PARD3B: variants seen among roughly 807,000 people sequenced by gnomAD.
The protein encoded by PARD3B is partitioning defective 3 homolog B.
A neutral mutation model predicts 130.2 loss-of-function variants in PARD3B; 103 were observed. The observed-to-expected ratio is 0.79, with a 90% CI of 0.67 to 0.93. PARD3B has a LOEUF of 0.93. PARD3B is among the 40% of genes least tolerant of loss of function. The probability of loss-of-function intolerance (pLI) is 0.00; values close to 1 mark genes in which losing one functional copy is unlikely to be tolerated. For synonymous variants in PARD3B, 583 were observed against 553.2 expected (o/e 1.05, Z -0.76); for missense variants, 1,609 against 1,499.2 (o/e 1.07, Z -1.21).
intron 2 of PARD3B, among the ~76,000 whole-genome samples, chr2:204,867,073 C>A (rs1559212492): frequency 6.6e-6 from 1 of 151,420 alleles, no homozygotes; most frequent in South Asian, 2.1e-4. Context: ...GACTCTGTCG[C>A]AAAAAATAAA....
chr2:205,417,476 C>G (rs1225086982), intron 19 of PARD3B, among the ~76,000 whole-genome samples: 1 of 152,150 alleles, frequency 6.6e-6, no homozygotes, highest in African/African-American at 2.4e-5. Context: ...AATGGTATTT[C>G]TAGTTCTAGA....
At chr2:205,240,838 A>G (rs2039321180) in intron 15 of PARD3B, among the ~76,000 whole-genome samples, 1 of 152,206 alleles carries the variant, frequency 6.6e-6, no homozygotes, top group Non-Finnish European at 1.5e-5. Context: ...TGAAGTGTAT[A>G]AGAAAGCTTG....
chr2:204,963,413 A>G (rs1318038237), intron 2 of PARD3B, among the ~76,000 whole-genome samples: 1 of 152,160 alleles, frequency 6.6e-6, no homozygotes, highest in Non-Finnish European at 1.5e-5. Flanking sequence ...AGTTAAGGAT[A>G]TCATATGAAA....
chr2:205,449,501 G>A (rs1368727366), intron 20 of PARD3B, among the ~76,000 whole-genome samples: 3 of 152,114 alleles, frequency 2.0e-5, no homozygotes, highest in Non-Finnish European at 4.4e-5. Context: ...AAAGCGCTGG[G>A]ATTACAGGCA....
chr2:204,842,060 A>G (rs1229236266), intron 2 of PARD3B, among the ~76,000 whole-genome samples: 1 of 152,160 alleles, frequency 6.6e-6, no homozygotes, highest in Non-Finnish European at 1.5e-5. Flanking sequence ...CCGACTAAAA[A>G]TCATTTGAAA....
intron 20 of PARD3B, among the ~76,000 whole-genome samples, chr2:205,442,656 G>A (rs1559098638): frequency 6.6e-6 from 1 of 152,072 alleles, no homozygotes; most frequent in Non-Finnish European, 1.5e-5. Flanking sequence ...CATGCATTCT[G>A]AGTTTCTAAG....
intron 1 of PARD3B, among the ~76,000 whole-genome samples, chr2:204,547,525 G>C (rs1199167247): frequency 6.6e-6 from 1 of 152,178 alleles, no homozygotes; most frequent in Non-Finnish European, 1.5e-5. Flanking sequence ...AGTGTTTGCT[G>C]TTTAAATCAT....
rs865823231 is a variant in PARD3B, at chr2:204,907,127, C to T, written c.223-58025C>T. 6.6e-6 allele frequency among the ~76,000 whole-genome samples: 1 copy of T among 151,984 alleles called. No homozygotes were observed. ...TCCCAAGTAGCTGGGATTACAGGTG[C>T]CCACCACCACACCCGGCTCTTTTTT... On this transcript the variant is annotated intron_variant, in intron 2 of 22. Transcript: ENST00000406610. This position sits in a 1 kb window ranked among gnomAD's most constrained non-coding sequence, Gnocchi z 5.7.
chr2:204,835,154 C>G (rs1287120416), intron 2 of PARD3B, among the ~76,000 whole-genome samples: 1 of 152,206 alleles, frequency 6.6e-6, no homozygotes, highest in Non-Finnish European at 1.5e-5. Flanking sequence ...ATATCTGTCT[C>G]TAAGTAATGC....
chr2:205,563,932 A>C lies in PARD3B; in HGVS notation c.3260+10529A>C, dbSNP rs1242749400. On this transcript the variant is annotated intron_variant, in intron 22 of 22. Coordinates refer to ENST00000406610, the MANE Select transcript of PARD3B (RefSeq NM_001302769.2). This position sits in a 1 kb window ranked among gnomAD's most constrained non-coding sequence, Gnocchi z 4.2. Reference sequence around the variant, plus strand: ...ACTCCTCCACAGAACACTCAGAACAAGGCAAGGGGAAGGAGTTAACATTTG... The same window carrying C: ...ACTCCTCCACAGAACACTCAGAACACGGCAAGGGGAAGGAGTTAACATTTG... Among the ~76,000 whole-genome samples the C allele has an allele frequency of 6.6e-6, 1 of 152,216 alleles. No individual in the cohort carries two copies. The highest frequency in any genetic ancestry group is 1.5e-5 in the Non-Finnish European group (1 of 68,044).
chr2:204,784,343 G>C (rs1022887095), intron 2 of PARD3B, among the ~76,000 whole-genome samples: 2 of 151,860 alleles, frequency 1.3e-5, no homozygotes, highest in African/African-American at 4.8e-5. Context: ...GTCCTTAAAT[G>C]ACTTTGAAGA....
chr2:205,219,927 T>A (rs1334224084), intron 15 of PARD3B, among the ~76,000 whole-genome samples: 1 of 152,218 alleles, frequency 6.6e-6, no homozygotes, highest in Admixed American at 6.5e-5. Context: ...CAGGCTTACT[T>A]GTCACGTTTG....
chr2:205,222,852 G>T (rs1364137907), intron 15 of PARD3B, among the ~76,000 whole-genome samples: 3 of 82,658 alleles, frequency 3.6e-5, no homozygotes, highest in Non-Finnish European at 7.0e-5. Flanking sequence ...TCTTTTCTCT[G>T]TGTCAGGTGG....
In PARD3B at chr2:205,616,259, C is replaced by A. The variant is rs956016767; in HGVS notation, c.*446C>A. 3 of 163,000 alleles carry A rather than the reference C, an allele frequency of 1.8e-5. No homozygotes were observed. Among genetic ancestry groups the A allele is most frequent in the African/African-American group, 7.2e-5 (3 of 41,670 alleles). The allele number at this position is 163,000 out of a possible 1,614,324, so 10.1% of individuals were successfully genotyped here. A position where few individuals can be genotyped will look rare whatever the true frequency, so the allele number is the denominator to read the frequency against. ...TACCCGCTCCGAGGTGGAGCCTCAG[C>A]CCCCTTCTTAGAGCTGTTAAGTCTA... On this transcript the variant is annotated 3_prime_UTR_variant, in exon 23 of 23. Transcript: ENST00000406610.
Position 205,581,267 on chromosome 2 carries a change from G to GATAGATATAGATAGATAGATATAGATAT in PARD3B, c.3260+27871_3260+27872insTAGATAGATAGATATAGATATATAGATA, listed in dbSNP as rs1553552273. The stretch of plus-strand genomic sequence containing the variant: ...ATATATATAGATATATATAGATATA[G>GATAGATATAGATAGATAGATATAGATAT]ATAGATAGATATAGATATATAGATA... On this transcript the variant is annotated intron_variant, in intron 22 of 22. Coordinates refer to ENST00000406610, the MANE Select transcript of PARD3B (RefSeq NM_001302769.2). 7.3e-5 allele frequency among the ~76,000 whole-genome samples: 8 copies of GATAGATATAGATAGATAGATATAGATAT among 109,702 alleles called. No individual in the cohort carries two copies. In the South Asian group the frequency reaches 2.3e-3, roughly 32 times the overall value. The allele number at this position is 109,702 out of a possible 152,430, so 72.0% of individuals were successfully genotyped here.
intron 18 of PARD3B, among the ~76,000 whole-genome samples, chr2:205,383,138 A>AGATAGATAGATCGATCGATC (rs955641992): frequency 7.2e-6 from 1 of 138,442 alleles, no homozygotes; most frequent in African/African-American, 2.8e-5. Context: ...ATAGATAGAT[A>AGATAGATAGATCGATCGATC]GATCGATCTA....
chr2:205,279,530 A>G (rs2041107389), intron 16 of PARD3B, among the ~76,000 whole-genome samples: 2 of 152,164 alleles, frequency 1.3e-5, no homozygotes, highest in Non-Finnish European at 2.9e-5. Flanking sequence ...TCCAAAGGGG[A>G]AGCTAAATGG....
intron 4 of PARD3B, among the ~76,000 whole-genome samples, chr2:205,079,133 G>T (rs1701247402): frequency 6.6e-6 from 1 of 152,212 alleles, no homozygotes; most frequent in Non-Finnish European, 1.5e-5. Flanking sequence ...CTGATGATTT[G>T]CTATGCAGCA....
chr2:204,634,769 GT>G (rs1261167065), intron 1 of PARD3B, among the ~76,000 whole-genome samples: 2 of 151,986 alleles, frequency 1.3e-5, no homozygotes, highest in East Asian at 1.9e-4. Context: ...GCATAATATA[GT>G]TTTTTTCCCC....
Sources: allele counts gnomAD v4.1 joint callset (sites outside exome capture counted in the v4.1 genomes callset), GRCh38; gene constraint gnomAD v4.1.1; non-coding constraint Gnocchi (gnomAD v3.1); transcripts MANE v1.5; gene names NCBI Gene and HGNC (gene_info 2026-07-23, HGNC 2026-07-21).